ARHGEF3: variants seen among roughly 807,000 people sequenced by gnomAD.
The protein encoded by ARHGEF3 is Rho guanine nucleotide exchange factor 3, also known as 59.8 kDA protein.
Under a neutral mutation model 63.2 loss-of-function variants are expected in ARHGEF3, and 28 were observed. The ratio of observed to expected loss-of-function variants is 0.44; its 90% CI spans 0.33 to 0.61. The LOEUF is 0.61. Ranked by LOEUF, ARHGEF3 falls within the 20% of genes least tolerant of loss-of-function variation. The pLI, the probability that ARHGEF3 is intolerant of heterozygous loss-of-function variation, is 0.03. For missense variants in ARHGEF3, 533 were observed against 659.3 expected, an observed-to-expected ratio of 0.81 and a Z score of 2.10; for synonymous variants, 266 against 254.2, an observed-to-expected ratio of 1.05 and a Z score of -0.44.
rs529365754 is a variant in ARHGEF3 at position 57,076,270 on chromosome 3, C to A, written c.-28+2956G>T. ...AAGGGTTACTAAACTATGGCAATGG[C>A]CTTTCTGCTTCATGCTTCTTTGCCT... On this transcript the variant is annotated intron_variant, in intron 1 of 12. Coordinates refer to the ARHGEF3 transcript ENST00000338458. 4.6e-5 allele frequency among the ~76,000 whole-genome samples: 7 copies of A among 151,950 alleles called. No individual in the cohort carries two copies. The South Asian group carries it at 8.3e-4, about 18-fold the overall frequency.
intron 4 of ARHGEF3, among the ~76,000 whole-genome samples, chr3:56,819,269 A>G (rs1000345161): frequency 3.3e-5 from 5 of 152,226 alleles, no homozygotes; most frequent in African/African-American, 9.6e-5. Flanking sequence ...GGCTGTCAAC[A>G]TAAGAGGACC....
At chr3:56,730,907 C>T in intron 9 of ARHGEF3, among the ~76,000 whole-genome samples, 1 of 152,194 alleles carries the variant, frequency 6.6e-6, no homozygotes, top group East Asian at 1.9e-4. Flanking sequence ...ATTCTCCGTC[C>T]TTCAAATTTA....
At chr3:56,990,187 A>C (rs4077862) in intron 2 of ARHGEF3, among the ~76,000 whole-genome samples, 64,440 of 152,138 alleles carry the variant, frequency 0.42, 14,165 homozygotes, top group East Asian at 0.6. Context: ...CAGAGAGAGA[A>C]AAGAGAATAC....
chr3:56,904,644 A>T (rs545810261), intron 3 of ARHGEF3, among the ~76,000 whole-genome samples: 1 of 152,348 alleles, frequency 6.6e-6, no homozygotes, highest in African/African-American at 2.4e-5. Context: ...GGATTCATAC[A>T]TCTGCTCCTG....
intron 1 of ARHGEF3, among the ~76,000 whole-genome samples, chr3:57,041,920 T>C (rs1704200582): frequency 1.3e-5 from 2 of 152,120 alleles, no homozygotes; most frequent in African/African-American, 2.4e-5. Flanking sequence ...CCAAGAAACA[T>C]GACCCAGAGC....
At chr3:56,872,532 A>G (rs1303737744) in intron 4 of ARHGEF3, among the ~76,000 whole-genome samples, 2 of 133,492 alleles carry the variant, frequency 1.5e-5, no homozygotes, top group African/African-American at 2.8e-5. Flanking sequence ...TTTTTTTGAG[A>G]TGGAGTCTTG....
intron 3 of ARHGEF3, among the ~76,000 whole-genome samples, chr3:56,888,834 C>A (rs911373683): frequency 9.2e-5 from 14 of 151,530 alleles, no homozygotes; most frequent in African/African-American, 3.4e-4. Flanking sequence ...ACCTGGGAGA[C>A]GGAGGTTGCG....
At chr3:57,074,905 A>G (rs1384151659) in intron 1 of ARHGEF3, 1 of 167,270 alleles carries the variant, frequency 6.0e-6, no homozygotes, top group Non-Finnish European at 1.5e-5. Flanking sequence ...GACCATCAGA[A>G]CACACAACGC....
At chr3:56,990,594 G>T (rs570105580) in intron 2 of ARHGEF3, among the ~76,000 whole-genome samples, 1 of 152,120 alleles carries the variant, frequency 6.6e-6, no homozygotes, top group African/African-American at 2.4e-5. Context: ...TTATAAAATG[G>T]ATCCCCCTTG....
intron 3 of ARHGEF3, among the ~76,000 whole-genome samples, chr3:56,896,270 T>C (rs1010719085): frequency 5.3e-5 from 8 of 152,236 alleles, no homozygotes; most frequent in Admixed American, 5.2e-4. Flanking sequence ...TGACCTCATT[T>C]GCTCCCTCTC....
At position 56,999,661 on chromosome 3, in the gene ARHGEF3, A is replaced by T. The variant is rs137931358; in HGVS notation, c.62+35427T>A. On this transcript the variant is annotated intron_variant, in intron 2 of 12. Coordinates refer to the ARHGEF3 transcript ENST00000338458. Reference sequence around the variant, plus strand: ...TCTCTACAAAAATTAGTTAGATGTGATGGTGCACACTTGTAGTTCCAGCTA... The same window carrying T: ...TCTCTACAAAAATTAGTTAGATGTGTTGGTGCACACTTGTAGTTCCAGCTA... Among the ~76,000 whole-genome samples, 490 of 152,268 alleles carry T rather than the reference A, an allele frequency of 3.2e-3. 1 individual carries two copies. Among genetic ancestry groups the T allele is most frequent in the Admixed American group, 6.4e-3 (98 of 15,288 alleles).
intron 2 of ARHGEF3, among the ~76,000 whole-genome samples, chr3:56,766,598 A>G (rs532144416): frequency 2.0e-4 from 30 of 152,362 alleles, no homozygotes; most frequent in African/African-American, 7.0e-4. Context: ...GGCACTGTGG[A>G]TACAGAGATA....
At chr3:56,740,682 T>C (rs535981834) in intron 7 of ARHGEF3, among the ~76,000 whole-genome samples, 2 of 152,296 alleles carry the variant, frequency 1.3e-5, no homozygotes, top group East Asian at 3.9e-4. Flanking sequence ...ACTTTATCCT[T>C]TTACCTTTCC....
intron 9 of ARHGEF3, among the ~76,000 whole-genome samples, chr3:56,731,418 T>A (rs1220841695): frequency 6.6e-6 from 1 of 151,700 alleles, no homozygotes; most frequent in Non-Finnish European, 1.5e-5. Context: ...GTACTCCCAG[T>A]TACTTGGAAG....
At chr3:56,875,802 G>T (rs1014676681) in intron 4 of ARHGEF3, among the ~76,000 whole-genome samples, 1 of 152,202 alleles carries the variant, frequency 6.6e-6, no homozygotes, top group African/African-American at 2.4e-5. Flanking sequence ...AAGGCCTTGT[G>T]CCAGGTGCTA....
intron 1 of ARHGEF3, among the ~76,000 whole-genome samples, chr3:57,064,858 T>A (rs776127148): frequency 6.6e-6 from 1 of 152,168 alleles, no homozygotes; most frequent in African/African-American, 2.4e-5. Context: ...TGCAGATTGG[T>A]TGCACAATAA....
chr3:56,916,519 G>A, intron 3 of ARHGEF3: 1 of 1,363,980 alleles, frequency 7.3e-7, no homozygotes, highest in Non-Finnish European at 9.5e-7. Context: ...GAGGCTGAGA[G>A]CCGCACCAGT....
chr3:57,039,563 C>T (rs1453652994), intron 1 of ARHGEF3, among the ~76,000 whole-genome samples: 2 of 152,188 alleles, frequency 1.3e-5, no homozygotes, highest in Non-Finnish European at 2.9e-5. Context: ...AATGTATCTC[C>T]TCTCATAGCA....
chr3:56,759,042 C>T (rs1334406214), intron 2 of ARHGEF3, among the ~76,000 whole-genome samples: 1 of 152,156 alleles, frequency 6.6e-6, no homozygotes, highest in Non-Finnish European at 1.5e-5. Context: ...TCATACATTA[C>T]AAAAGTATAT....
Sources: gnomAD v4.1 joint callset for allele counts (sites outside exome capture counted in the v4.1 genomes callset) on GRCh38, gnomAD v4.1.1 for gene constraint, MANE v1.5 for transcripts, NCBI Gene and HGNC (gene_info 2026-07-23, HGNC 2026-07-21) for gene names.